Variants in NFIA observed in about 807,000 individuals in gnomAD.
NFIA encodes the protein nuclear factor I A.
In NFIA, 8 loss-of-function variants were observed where a neutral mutation model predicts 62.8. That is an observed-to-expected ratio of 0.13 (90% CI 0.07 to 0.23). The LOEUF (loss-of-function observed/expected upper bound fraction) is 0.23, where lower values mean the gene tolerates loss of function less well. Among genes scored for constraint, NFIA ranks in the 10% least tolerant of loss-of-function variants. NFIA has a pLI of 1.00. For missense variants in NFIA, 410 were observed against 642.1 expected (o/e 0.64, Z 3.91); for synonymous variants, 235 against 238.1 (o/e 0.99, Z 0.12).
At chr1:61,130,222 T>A (rs537605850) in intron 2 of NFIA, among the ~76,000 whole-genome samples, 20 of 152,298 alleles carry the variant, frequency 1.3e-4, no homozygotes, top group African/African-American at 4.6e-4. Flanking sequence ...CCAGGCTGTT[T>A]CCAGTTGTCT....
intron 10 of NFIA, among the ~76,000 whole-genome samples, chr1:61,429,380 T>C (rs1225540365): frequency 6.6e-6 from 1 of 152,174 alleles, no homozygotes; most frequent in African/African-American, 2.4e-5. Flanking sequence ...AGCAAGAATT[T>C]GCACCCAGTT....
chr1:61,168,531 AT>A (rs1440700896), intron 2 of NFIA, among the ~76,000 whole-genome samples: 1 of 152,220 alleles, frequency 6.6e-6, no homozygotes, highest in East Asian at 1.9e-4. Flanking sequence ...TTTGTTTGGA[AT>A]TTCTTAAAGG....
intron 4 of NFIA, among the ~76,000 whole-genome samples, chr1:61,346,488 G>T (rs1451337116): frequency 2.0e-5 from 3 of 152,182 alleles, no homozygotes; most frequent in African/African-American, 7.2e-5. Context: ...ACATCTTATT[G>T]ATATTTTATA....
At chr1:61,441,729 T>C (rs969630934) in intron 10 of NFIA, among the ~76,000 whole-genome samples, 3 of 152,188 alleles carry the variant, frequency 2.0e-5, no homozygotes, top group African/African-American at 7.2e-5. Context: ...GATTTTAGTA[T>C]CCAGTTGTTC....
rs531673520 is a variant in NFIA at position 61,213,320 on chromosome 1, C to T, written c.560-64200C>T. The stretch of plus-strand genomic sequence containing the variant: ...TACCATTTCAGTTGGAGGCATGGTG[C>T]GCCTGATATAGATGACGTGTGAATG... On this transcript the variant is annotated intron_variant, in intron 2 of 10. Coordinates refer to ENST00000403491, the MANE Select transcript of NFIA (RefSeq NM_001134673.4). 6.6e-5 allele frequency among the ~76,000 whole-genome samples: 10 copies of T among 152,194 alleles called. No homozygotes were observed. In the South Asian group the frequency reaches 8.3e-4, roughly 13 times the overall value.
chr1:61,175,291 A>G (rs1650262322), intron 2 of NFIA, among the ~76,000 whole-genome samples: 1 of 151,976 alleles, frequency 6.6e-6, no homozygotes, highest in African/African-American at 2.4e-5. Context: ...ACAAGCTCGC[A>G]CCACCACACC....
chr1:61,378,444 T>TA (rs1450501011), intron 6 of NFIA, among the ~76,000 whole-genome samples: 2 of 152,256 alleles, frequency 1.3e-5, no homozygotes, highest in East Asian at 3.9e-4. Flanking sequence ...GTGGATTAGG[T>TA]AAAAATAAGG....
chr1:61,127,604 G>T (rs1341556601), intron 2 of NFIA, among the ~76,000 whole-genome samples: 1 of 152,154 alleles, frequency 6.6e-6, no homozygotes, highest in Non-Finnish European at 1.5e-5. Context: ...TCAGCCAGAA[G>T]ATATGGTGAA....
At chr1:61,301,335 T>TTA (rs1215168769) in intron 3 of NFIA, among the ~76,000 whole-genome samples, 1 of 152,206 alleles carries the variant, frequency 6.6e-6, no homozygotes, top group African/African-American at 2.4e-5. Context: ...CCATCAGGAC[T>TTA]TTTATAAGAG....
chr1:61,232,870 T>G (rs1654764292), intron 2 of NFIA, among the ~76,000 whole-genome samples: 1 of 152,168 alleles, frequency 6.6e-6, no homozygotes, highest in Admixed American at 6.5e-5. Flanking sequence ...CCAAGTTTAT[T>G]TTTCTGAACT....
At chr1:61,086,176 T>A (rs979838105) in intron 1 of NFIA, among the ~76,000 whole-genome samples, 4 of 152,080 alleles carry the variant, frequency 2.6e-5, no homozygotes, top group African/African-American at 7.2e-5. Flanking sequence ...CTCCAGGAGT[T>A]TTTTGCATAA....
At chr1:61,411,474 T>A (rs1666099642) in intron 9 of NFIA, among the ~76,000 whole-genome samples, 1 of 152,104 alleles carries the variant, frequency 6.6e-6, no homozygotes, top group Non-Finnish European at 1.5e-5. Flanking sequence ...TCCCACAGAT[T>A]AACTACCTGT....
intron 6 of NFIA, among the ~76,000 whole-genome samples, chr1:61,373,661 C>T (rs1664013191): frequency 6.6e-6 from 1 of 152,042 alleles, no homozygotes; most frequent in Admixed American, 6.6e-5. Context: ...TATATGCCAA[C>T]GAAAGTATTC....
intron 2 of NFIA, among the ~76,000 whole-genome samples, chr1:61,196,898 A>AGTGT (rs3030264): frequency 1.6e-3 from 243 of 148,546 alleles, no homozygotes; most frequent in Middle Eastern, 3.5e-3. Flanking sequence ...ACCTTAAAGG[A>AGTGT]GTGTGTGTGT....
rs558893396 is a variant in NFIA, at chr1:61,155,865, G to A, written c.559+67185G>A. On this transcript the variant is annotated intron_variant, in intron 2 of 10. Coordinates refer to ENST00000403491, the MANE Select transcript of NFIA (RefSeq NM_001134673.4). ...AGAATTAAAAACCTTGGCTGGGCGC[G>A]GTGGCTCACGCCTGTAATCGCAGCA... Among the ~76,000 whole-genome samples the A allele has an allele frequency of 1.8e-4, 27 of 152,156 alleles. 2 individuals carry two copies. The South Asian group carries it at 5.4e-3, about 30-fold the overall frequency.
Position 61,082,834 on chromosome 1 carries a change from G to A in NFIA, c.27+16G>A. 6.5e-7 allele frequency: 1 copy of A among 1,540,400 alleles called. No homozygotes were observed. The highest frequency in any genetic ancestry group is 1.4e-5 in the African/African-American group (1 of 72,622). On this transcript the variant is annotated intron_variant, in intron 1 of 10. Transcript: ENST00000403491. ...TCTCACCCAGGTAAGCCGCGGCGTG[G>A]ATGCGGAGGGCTTGGGGGCCGGGGC...
At position 61,186,627 on chromosome 1, in the gene NFIA, C is replaced by T. The variant is rs1196563537; in HGVS notation, c.560-90893C>T. ...GGAGCAATTGCCTCTGTTAAGTAGA[C>T]AGCAAAGATGCCTTATAGGAAGTAG... On this transcript the variant is annotated intron_variant, in intron 2 of 10. Coordinates refer to ENST00000403491, the MANE Select transcript of NFIA (RefSeq NM_001134673.4). Among the ~76,000 whole-genome samples, 7 of 152,164 alleles carry T rather than the reference C, an allele frequency of 4.6e-5. No individual in the cohort carries two copies. In the East Asian group the frequency reaches 1.3e-3, roughly 29 times the overall value.
intron 2 of NFIA, among the ~76,000 whole-genome samples, chr1:61,165,121 G>A (rs887490438): frequency 2.6e-5 from 4 of 152,136 alleles, no homozygotes; most frequent in Admixed American, 2.6e-4. Flanking sequence ...GAGTTTTAGT[G>A]GAGAAGCTAG....
chr1:61,385,501 T>C (rs1029151033), intron 7 of NFIA, among the ~76,000 whole-genome samples: 1 of 152,180 alleles, frequency 6.6e-6, no homozygotes, highest in African/African-American at 2.4e-5. Flanking sequence ...TCTTGTATTC[T>C]TATACAGAAA....
Sources: gnomAD v4.1 joint callset for allele counts (sites outside exome capture counted in the v4.1 genomes callset) on GRCh38, gnomAD v4.1.1 for gene constraint, MANE v1.5 for transcripts, NCBI Gene and HGNC (gene_info 2026-07-23, HGNC 2026-07-21) for gene names.